Variants in KDM1A observed in about 807,000 individuals in gnomAD.
KDM1A encodes lysine-specific histone demethylase 1A.
In KDM1A, 49 loss-of-function variants were observed where a neutral mutation model predicts 109.4. The observed-to-expected ratio is 0.45, with a 90% CI of 0.36 to 0.57. The LOEUF is 0.57. KDM1A is among the 20% of genes least tolerant of loss of function. The pLI, the probability that KDM1A is intolerant of heterozygous loss-of-function variation, is 0.00. For missense variants in KDM1A, 668 were observed against 1,116.6 expected, an observed-to-expected ratio of 0.60 and a Z score of 5.73; for synonymous variants, 380 against 415.4, an observed-to-expected ratio of 0.91 and a Z score of 1.04.
chr1:23,052,325 T>TAGG (rs935318760), intron 4 of KDM1A, among the ~76,000 whole-genome samples: 2 of 152,152 alleles, frequency 1.3e-5, no homozygotes, highest in East Asian at 3.8e-4. Flanking sequence ...TGTTATTTTG[T>TAGG]AGGAGGAGGA....
chr1:23,074,319 T>C (rs912343396), intron 15 of KDM1A, among the ~76,000 whole-genome samples: 5 of 152,226 alleles, frequency 3.3e-5, no homozygotes, highest in African/African-American at 4.8e-5. Context: ...TGAAGTTTAT[T>C]ATGTTCTTTA....
chr1:23,081,600 G>A (rs1214335005), intron 19 of KDM1A, 27 bp downstream of exon 19: 19 of 1,613,296 alleles, frequency 1.2e-5, no homozygotes, highest in Non-Finnish European at 1.6e-5. Flanking sequence ...GGCAAGGAGG[G>A]ATCTAGGGTT....
chr1:23,078,046 C>G (rs1367725278), intron 16 of KDM1A, among the ~76,000 whole-genome samples: 1 of 152,174 alleles, frequency 6.6e-6, no homozygotes, highest in African/African-American at 2.4e-5. Context: ...TAGTCATCTC[C>G]CTCTCTGAGA....
chr1:23,045,621 A>C (rs542941394), intron 3 of KDM1A, among the ~76,000 whole-genome samples: 22 of 152,244 alleles, frequency 1.4e-4, no homozygotes, highest in Non-Finnish European at 2.6e-4. Context: ...GATGGCCTTT[A>C]GAGTTCTAAT....
At chr1:23,048,135 C>T (rs1204574618) in intron 3 of KDM1A, among the ~76,000 whole-genome samples, 2 of 151,836 alleles carry the variant, frequency 1.3e-5, no homozygotes, top group Admixed American at 1.3e-4. Flanking sequence ...ATAGTATATA[C>T]TTATGAATTA....
chr1:23,077,452 T>C (rs1449406444), intron 16 of KDM1A, 92 bp downstream of exon 16: 20 of 1,356,990 alleles, frequency 1.5e-5, no homozygotes, highest in Non-Finnish European at 1.8e-5. Context: ...CATTTCCTGA[T>C]AGAGTGTTTA....
intron 12 of KDM1A, among the ~76,000 whole-genome samples, chr1:23,069,957 C>T (rs1161893096): frequency 1.3e-5 from 2 of 152,244 alleles, no homozygotes; most frequent in African/African-American, 4.8e-5. Context: ...TGACTGGACT[C>T]TTGCCTCACT....
At position 23,019,734 on chromosome 1, in the gene KDM1A, C is replaced by T. The variant is rs1569594564; in HGVS notation, c.138C>T (p.Gly46=). Reference sequence around the variant, plus strand: ...CCGCGCAGCCCGCGGGCCTGTCGGGCCCAGCCGAGGTCGGGCCGGGGGCGG... The same window carrying T: ...CCGCGCAGCCCGCGGGCCTGTCGGGTCCAGCCGAGGTCGGGCCGGGGGCGG... ...EVAAQPAGLS[G]PAEVGPGAVG... Residue 46 remains glycine (G), a synonymous_variant, in exon 1 of 21, where the codon GGC becomes GGT. Coordinates refer to ENST00000400181, the MANE Select transcript of KDM1A (RefSeq NM_001009999.3). 7.5e-7 allele frequency: 1 copy of T among 1,332,954 alleles called. No individual in the cohort carries two copies. Among genetic ancestry groups the T allele is most frequent in the South Asian group, 2.1e-5 (1 of 48,622 alleles). 82.6% of individuals were successfully genotyped at this position (1,332,954 alleles called of 1,614,324 possible).
chr1:23,080,025 T>G (rs967360380), intron 18 of KDM1A, among the ~76,000 whole-genome samples: 2 of 152,214 alleles, frequency 1.3e-5, no homozygotes, highest in Non-Finnish European at 2.9e-5. Flanking sequence ...GATTCTTTGA[T>G]TACTTCTCTT....
intron 7 of KDM1A, 67 bp downstream of exon 7, chr1:23,056,105 C>A: frequency 9.6e-7 from 1 of 1,040,946 alleles, no homozygotes; most frequent in Non-Finnish European, 1.5e-6. Flanking sequence ...TTATCTGTTG[C>A]AAATTAAAGA....
At chr1:23,020,143 G>A in intron 1 of KDM1A, 196 bp downstream of exon 1, 1 of 540,230 alleles carries the variant, frequency 1.9e-6, no homozygotes, top group Non-Finnish European at 2.9e-6. Flanking sequence ...TGTTGACTGC[G>A]GTCTTTGTGC....
intron 14 of KDM1A, 90 bp downstream of exon 14, chr1:23,072,287 TTTTA>T (rs1182516994): frequency 4.7e-5 from 43 of 918,734 alleles, no homozygotes; most frequent in Non-Finnish European, 6.9e-5. Flanking sequence ...CATAATGAGC[TTTTA>T]TTTATGTTCA....
intron 19 of KDM1A, chr1:23,081,850 A>G: frequency 2.2e-6 from 1 of 455,776 alleles, no homozygotes; most frequent in East Asian, 3.7e-5. Flanking sequence ...GCCAAACTCC[A>G]GTGAGTATCT....
chr1:23,030,808 T>A (rs1001095918), intron 2 of KDM1A, among the ~76,000 whole-genome samples, 174 bp downstream of exon 2: 55 of 152,224 alleles, frequency 3.6e-4, no homozygotes, highest in Admixed American at 5.2e-4. Flanking sequence ...CATGTATATG[T>A]GTGTATGTAT....
intron 12 of KDM1A, 113 bp from the exon 13 acceptor site, chr1:23,071,112 G>C (rs1643306654): frequency 1.3e-6 from 1 of 767,446 alleles, no homozygotes; most frequent in African/African-American, 1.8e-5. Flanking sequence ...ACCTTGCATT[G>C]TAGCCCTGTT....
At chr1:23,052,053 T>G (rs536777949) in intron 4 of KDM1A, among the ~76,000 whole-genome samples, 9 of 152,328 alleles carry the variant, frequency 5.9e-5, no homozygotes, top group South Asian at 2.1e-4. Flanking sequence ...ATTGTCATTT[T>G]TTTGTTTGTT....
intron 10 of KDM1A, among the ~76,000 whole-genome samples, chr1:23,067,118 T>G (rs1372624902): frequency 2.0e-5 from 3 of 152,236 alleles, no homozygotes; most frequent in Non-Finnish European, 4.4e-5. Flanking sequence ...CCTGATTCTC[T>G]GCCTCATTTA....
At chr1:23,024,460 T>C (rs765072867) in intron 1 of KDM1A, among the ~76,000 whole-genome samples, 11 of 152,236 alleles carry the variant, frequency 7.2e-5, no homozygotes, top group Non-Finnish European at 8.8e-5. Flanking sequence ...TGGGAGCTTA[T>C]CCAGTTTTGA....
At chr1:23,077,041 GT>G (rs374614041) in intron 15 of KDM1A, among the ~76,000 whole-genome samples, 186 bp from the exon 16 acceptor site, 49 of 151,496 alleles carry the variant, frequency 3.2e-4, no homozygotes, top group African/African-American at 8.5e-4. Flanking sequence ...ATTTTTTGGT[GT>G]TTTCTCTTTT....
Sources: gnomAD v4.1 joint callset for allele counts (sites outside exome capture counted in the v4.1 genomes callset) on GRCh38, gnomAD v4.1.1 for gene constraint, MANE v1.5 for transcripts, NCBI Gene and HGNC (gene_info 2026-07-23, HGNC 2026-07-21) for gene names.